The following CCDC102B variants were observed in gnomAD, a reference collection of about 807,000 sequenced individuals.
CCDC102B encodes coiled-coil domain-containing protein 102B.
Under a neutral mutation model 57.4 loss-of-function variants are expected in CCDC102B, and 75 were observed. The ratio of observed to expected loss-of-function variants is 1.31; its 90% CI spans 1.08 to 1.58. The LOEUF is 1.58. CCDC102B is among the 40% of genes most tolerant of loss of function. CCDC102B has a pLI of 0.00. For synonymous variants in CCDC102B, 206 were observed against 201.9 expected (o/e 1.02, Z -0.17); for missense variants, 636 against 582.6 (o/e 1.09, Z -0.94).
At chr18:68,857,099 TATATA>T (rs2038434905) in intron 4 of CCDC102B, among the ~76,000 whole-genome samples, 1 of 106,400 alleles carries the variant, frequency 9.4e-6, no homozygotes, top group African/African-American at 3.8e-5. Context: ...TATATATTTT[TATATA>T]TTATATATAA....
chr18:68,790,599 C>T (rs947803566), intron 2 of CCDC102B, among the ~76,000 whole-genome samples: 1 of 152,218 alleles, frequency 6.6e-6, no homozygotes, highest in African/African-American at 2.4e-5. Flanking sequence ...TTTCCAGGTG[C>T]TGTCCCTCAC....
intron 4 of CCDC102B, among the ~76,000 whole-genome samples, chr18:68,861,450 T>C (rs1048938271): frequency 6.6e-6 from 1 of 152,222 alleles, no homozygotes; most frequent in African/African-American, 2.4e-5. Flanking sequence ...TTCTGAGTAC[T>C]ATTCCACTAC....
At chr18:69,045,743 C>T (rs1212686243) in intron 7 of CCDC102B, among the ~76,000 whole-genome samples, 1 of 151,864 alleles carries the variant, frequency 6.6e-6, no homozygotes, top group African/African-American at 2.4e-5. Flanking sequence ...TTTTTCTGTT[C>T]CTCTCCCTCC....
intron 6 of CCDC102B, among the ~76,000 whole-genome samples, chr18:68,910,114 GA>G (rs1260005929): frequency 2.6e-5 from 4 of 152,144 alleles, no homozygotes; most frequent in African/African-American, 9.7e-5. Flanking sequence ...CCAACACGGT[GA>G]AACACCGTGT....
chr18:68,968,727 C>G (rs1187058031), intron 6 of CCDC102B, among the ~76,000 whole-genome samples: 2 of 152,166 alleles, frequency 1.3e-5, no homozygotes, highest in Non-Finnish European at 2.9e-5. Context: ...CTGGTAACCA[C>G]AGTTCTGTTG....
At chr18:68,994,017 T>A (rs996498311) in intron 6 of CCDC102B, among the ~76,000 whole-genome samples, 5 of 152,156 alleles carry the variant, frequency 3.3e-5, no homozygotes, top group African/African-American at 1.2e-4. Flanking sequence ...TAATCTATAT[T>A]TTACTTAATA....
chr18:68,833,475 G>A (rs1466282390), intron 1 of CCDC102B, among the ~76,000 whole-genome samples: 1 of 151,296 alleles, frequency 6.6e-6, no homozygotes, highest in Non-Finnish European at 1.5e-5. Context: ...AGTATGTCAA[G>A]GTGACTTACT....
At chr18:68,902,531 A>G (rs2040491219) in intron 6 of CCDC102B, among the ~76,000 whole-genome samples, 1 of 152,084 alleles carries the variant, frequency 6.6e-6, no homozygotes, top group African/African-American at 2.4e-5. Flanking sequence ...GAAACACAAA[A>G]CTTGTAGTTA....
At chr18:68,961,588 A>G (rs1194237610) in intron 6 of CCDC102B, among the ~76,000 whole-genome samples, 1 of 152,048 alleles carries the variant, frequency 6.6e-6, no homozygotes, top group African/African-American at 2.4e-5. Flanking sequence ...CATATCATTT[A>G]TTACAAAACT....
intron 6 of CCDC102B, among the ~76,000 whole-genome samples, chr18:68,956,744 C>A (rs1339708007): frequency 6.7e-6 from 1 of 148,576 alleles, no homozygotes; most frequent in Admixed American, 6.9e-5. Flanking sequence ...ACATTGCCAC[C>A]AACAATGTAC....
intron 7 of CCDC102B, among the ~76,000 whole-genome samples, chr18:69,053,431 T>A (rs952956212): frequency 2.0e-5 from 3 of 151,654 alleles, no homozygotes; most frequent in Admixed American, 6.6e-5. Context: ...GTTCAGTGAC[T>A]TATAGCTAGG....
At chr18:69,017,072 AT>A (rs67227177) in intron 7 of CCDC102B, among the ~76,000 whole-genome samples, 30,311 of 151,910 alleles carry the variant, frequency 0.2, 3,843 homozygotes, top group Non-Finnish European at 0.27. Flanking sequence ...TATTAATAAG[AT>A]TTACTTTTAG....
At position 68,998,572 on chromosome 18, in the gene CCDC102B, C is replaced by T. The variant is rs1378289332; in HGVS notation, c.1264-12362C>T. Among the ~76,000 whole-genome samples the T allele has an allele frequency of 1.5e-4, 18 of 122,832 alleles. No individual in the cohort carries two copies. In the South Asian group the frequency reaches 5.8e-3, roughly 40 times the overall value. The allele number at this position is 122,832 out of a possible 152,430, so 80.6% of individuals were successfully genotyped here. ...TCTGCAAGCTGAGGAGCAAGGAAGC[C>T]AGTCCGAGTACCAAAACCCCCAAAG... is the stretch of plus-strand genomic sequence containing the variant. On this transcript the variant is annotated intron_variant, in intron 6 of 7. Transcript: ENST00000360242.
intron 6 of CCDC102B, among the ~76,000 whole-genome samples, chr18:68,911,396 G>C (rs2040840731): frequency 6.6e-6 from 1 of 152,072 alleles, no homozygotes; most frequent in Non-Finnish European, 1.5e-5. Context: ...AGAACACATG[G>C]ACACATATGG....
intron 4 of CCDC102B, among the ~76,000 whole-genome samples, chr18:68,869,907 T>A (rs1017125898): frequency 1.3e-5 from 2 of 152,148 alleles, no homozygotes; most frequent in Admixed American, 1.3e-4. Context: ...GTGTAAGGTG[T>A]AAGGAAAGGG....
chr18:68,936,793 A>ATAT (rs2049252596), intron 6 of CCDC102B, among the ~76,000 whole-genome samples: 6 of 150,744 alleles, frequency 4.0e-5, no homozygotes, highest in Admixed American at 1.3e-4. Context: ...ATATATACAT[A>ATAT]CACATATATA....
At chr18:68,897,138 A>G in intron 5 of CCDC102B, 81 bp from the exon 6 acceptor site, 1 of 1,021,226 alleles carries the variant, frequency 9.8e-7, no homozygotes, top group Non-Finnish European at 1.5e-6. Context: ...ACTTTTCTTA[A>G]TGGGAGTCTG....
chr18:68,924,607 C>A (rs1342956341), intron 6 of CCDC102B, among the ~76,000 whole-genome samples: 2 of 152,034 alleles, frequency 1.3e-5, no homozygotes, highest in Non-Finnish European at 2.9e-5. Context: ...GATGTATCAA[C>A]AAAAGTGCAA....
At chr18:68,841,986 G>A (rs761088221) in intron 3 of CCDC102B, among the ~76,000 whole-genome samples, 12 of 152,016 alleles carry the variant, frequency 7.9e-5, no homozygotes, top group South Asian at 2.1e-4. Context: ...TGATCTAACC[G>A]CCTTGGCTTC....
Sources: allele counts gnomAD v4.1 joint callset (sites outside exome capture counted in the v4.1 genomes callset), GRCh38; gene constraint gnomAD v4.1.1; transcripts MANE v1.5; gene names NCBI Gene and HGNC (gene_info 2026-07-23, HGNC 2026-07-21).